Variants in SLCO6A1 observed in about 807,000 individuals in gnomAD.
SLCO6A1 encodes the protein cancer/testis antigen 48.
A neutral mutation model predicts 72.7 loss-of-function variants in SLCO6A1; 65 were observed. That is an observed-to-expected ratio of 0.89 (90% CI 0.73 to 1.10). SLCO6A1 has a LOEUF of 1.10. SLCO6A1 is among the 50% of genes least tolerant of loss of function. The pLI, the probability that SLCO6A1 is intolerant of heterozygous loss-of-function variation, is 0.00. For missense variants in SLCO6A1, 874 were observed against 872.6 expected, an observed-to-expected ratio of 1.00 and a Z score of -0.02; for synonymous variants, 314 against 298.2, an observed-to-expected ratio of 1.05 and a Z score of -0.55.
chr5:102,486,123 T>C (rs1381402955), intron 1 of SLCO6A1, among the ~76,000 whole-genome samples: 1 of 152,228 alleles, frequency 6.6e-6, no homozygotes, highest in Admixed American at 6.5e-5. Context: ...AATTTAGCTA[T>C]GTAAAGCTAT....
At chr5:102,430,975 C>T (rs1177006078) in intron 7 of SLCO6A1, among the ~76,000 whole-genome samples, 1 of 151,766 alleles carries the variant, frequency 6.6e-6, no homozygotes, top group Non-Finnish European at 1.5e-5. Flanking sequence ...TTTTGGAGCT[C>T]ATTATTAGTC....
chr5:102,452,257 G>A (rs1750454283), intron 6 of SLCO6A1, among the ~76,000 whole-genome samples: 1 of 152,068 alleles, frequency 6.6e-6, no homozygotes, highest in African/African-American at 2.4e-5. Flanking sequence ...ACATTTAGAG[G>A]GAGCTTTTCC....
chr5:102,460,457 C>T (rs1181068484), intron 4 of SLCO6A1, among the ~76,000 whole-genome samples: 1 of 152,062 alleles, frequency 6.6e-6, no homozygotes, highest in African/African-American at 2.4e-5. Flanking sequence ...TTATTATTCT[C>T]ATTTTACTCA....
Position 102,419,830 on chromosome 5 carries a change from C to A in SLCO6A1, c.1468G>T (p.Asp490Tyr). Residue 490 changes from aspartate to tyrosine, a missense_variant, in exon 8 of 14, where the codon GAT becomes TAT. By Grantham distance (160) the Asp-to-Tyr change is radical. Coordinates refer to ENST00000506729, the MANE Select transcript of SLCO6A1 (RefSeq NM_173488.5). ...AATATACAAGACTACATTTACCCAT[C>A]ATAATCTTCATTGATCCCAGCAAAT... is the stretch of plus-strand genomic sequence containing the variant. ...VQFAGINEDY[D>Y]GTGKLGNLTA... 3 of 1,594,122 alleles carry A rather than the reference C, an allele frequency of 1.9e-6. No individual in the cohort carries two copies. The highest frequency in any genetic ancestry group is 1.2e-5 in the South Asian group (1 of 86,220).
intron 7 of SLCO6A1, among the ~76,000 whole-genome samples, chr5:102,420,358 G>A (rs6596486): frequency 0.28 from 43,284 of 151,970 alleles, 6,394 homozygotes; most frequent in South Asian, 0.35. Flanking sequence ...TTATTAACAA[G>A]CTTCCTGGAT....
At chr5:102,428,503 A>AT (rs1271226047) in intron 7 of SLCO6A1, among the ~76,000 whole-genome samples, 1 of 152,090 alleles carries the variant, frequency 6.6e-6, no homozygotes, top group Non-Finnish European at 1.5e-5. Context: ...TAGAGGACAT[A>AT]TTACTTTTAT....
intron 4 of SLCO6A1, among the ~76,000 whole-genome samples, chr5:102,462,687 T>C (rs1401302246): frequency 6.6e-6 from 1 of 152,140 alleles, no homozygotes; most frequent in Non-Finnish European, 1.5e-5. Flanking sequence ...AAGCAACATG[T>C]AGAAGAAAGA....
chr5:102,397,155 CT>C (rs35001841), intron 10 of SLCO6A1, among the ~76,000 whole-genome samples: 3 of 152,002 alleles, frequency 2.0e-5, no homozygotes, highest in Non-Finnish European at 4.4e-5. Flanking sequence ...TACATGGTAA[CT>C]TTTTTTGGTG....
intron 7 of SLCO6A1, among the ~76,000 whole-genome samples, chr5:102,432,771 C>A (rs1032496113): frequency 6.6e-6 from 1 of 152,120 alleles, no homozygotes; most frequent in African/African-American, 2.4e-5. Context: ...TTTTGTGAAG[C>A]ACTTTGTGAG....
chr5:102,383,486 A>G (rs10041725), intron 12 of SLCO6A1, among the ~76,000 whole-genome samples: 1 of 151,354 alleles, frequency 6.6e-6, no homozygotes, highest in Non-Finnish European at 1.5e-5. Flanking sequence ...TTTATTATGG[A>G]ATATCACATT....
intron 4 of SLCO6A1, among the ~76,000 whole-genome samples, chr5:102,473,977 T>C (rs1388076761): frequency 6.6e-6 from 1 of 151,960 alleles, no homozygotes; most frequent in African/African-American, 2.4e-5. Flanking sequence ...ATTAATATTC[T>C]TAGAATTAGA....
intron 1 of SLCO6A1, 105 bp downstream of exon 1, chr5:102,498,382 C>G (rs982244198): frequency 1.6e-5 from 17 of 1,095,774 alleles, no homozygotes; most frequent in Admixed American, 1.4e-4. Context: ...CACCCCAGGG[C>G]ATGCTGGGCC....
intron 7 of SLCO6A1, among the ~76,000 whole-genome samples, chr5:102,420,661 G>C (rs1748545422): frequency 6.6e-6 from 1 of 152,044 alleles, no homozygotes; most frequent in African/African-American, 2.4e-5. Context: ...TTCATACATT[G>C]ATGCAACTCC....
At position 102,498,408 on chromosome 5, in the gene SLCO6A1, C is replaced by G. The variant is rs1410994127; in HGVS notation, c.358+79G>C. 5 of 1,398,966 alleles carry G rather than the reference C, an allele frequency of 3.6e-6. No homozygotes were observed. In the African/African-American group the frequency reaches 5.9e-5, roughly 17 times the overall value. The allele number at this position is 1,398,966 out of a possible 1,614,324, so 86.7% of individuals were successfully genotyped here. A position where few individuals can be genotyped will look rare whatever the true frequency, so the allele number is the denominator to read the frequency against. The stretch of plus-strand genomic sequence containing the variant: ...ATGCTGGGCCACCCCAGGGCGTCCT[C>G]CGCCATACTCCCTCTCCCGCCTCCG... On this transcript the variant is annotated intron_variant, in intron 1 of 13. Transcript: ENST00000506729.
chr5:102,474,389 T>G (rs1247038292), intron 4 of SLCO6A1, among the ~76,000 whole-genome samples: 1 of 152,014 alleles, frequency 6.6e-6, no homozygotes, highest in Non-Finnish European at 1.5e-5. Context: ...AGAATGAAGT[T>G]GGAACCTTAC....
Position 102,498,872 on chromosome 5 carries a change from G to A in SLCO6A1, c.-28C>T. ...CTCACCCTGGGCGGCTCCTGGCGACGCGGCCCGAGTGCTCTCGGCTGCCCG... is the reference window on the plus strand; with the variant it reads ...CTCACCCTGGGCGGCTCCTGGCGACACGGCCCGAGTGCTCTCGGCTGCCCG... On this transcript the variant is annotated 5_prime_UTR_variant, in exon 1 of 14. Transcript: ENST00000506729. 3 of 1,575,384 alleles carry A rather than the reference G, an allele frequency of 1.9e-6. No homozygotes were observed. Among genetic ancestry groups the A allele is most frequent in the African/African-American group, 1.4e-5 (1 of 74,040 alleles).
rs149769848 is a variant in SLCO6A1 at position 102,450,384 on chromosome 5, G to C, written c.1131+7998C>G. On this transcript the variant is annotated intron_variant, in intron 6 of 13. Transcript: ENST00000506729. ...GAATTCCTGTGCTTGGTTTCACAGC[G>C]GGATATATTAGCCAAGTATTTTCAG... 1.1e-4 allele frequency among the ~76,000 whole-genome samples: 17 copies of C among 152,320 alleles called. No homozygotes were observed. The East Asian group carries it at 2.7e-3, about 24-fold the overall frequency.
At chr5:102,402,200 TG>T (rs1179061571) in intron 9 of SLCO6A1, among the ~76,000 whole-genome samples, 1 of 151,476 alleles carries the variant, frequency 6.6e-6, no homozygotes, top group African/African-American at 2.4e-5. Context: ...TTGCATGAGG[TG>T]GGGTGCAAAC....
chr5:102,404,217 T>A (rs554192289), intron 9 of SLCO6A1, among the ~76,000 whole-genome samples: 3 of 152,336 alleles, frequency 2.0e-5, no homozygotes, highest in African/African-American at 4.8e-5. Flanking sequence ...TATTTTAGGC[T>A]GGGTGTGGTG....
Sources: gnomAD v4.1 joint callset for allele counts (sites outside exome capture counted in the v4.1 genomes callset) on GRCh38, gnomAD v4.1.1 for gene constraint, MANE v1.5 for transcripts, NCBI Gene and HGNC (gene_info 2026-07-23, HGNC 2026-07-21) for gene names.